The following NXPE2 variants were observed in gnomAD, a reference collection of about 807,000 sequenced individuals.
The protein encoded by NXPE2 is neurexophilin and PC-esterase domain family member 2, also known as NXPE family member 2.
NXPE2 carries 34 observed loss-of-function variants against 34.4 expected under a neutral mutation model. That is an observed-to-expected ratio of 0.99 (90% CI 0.75 to 1.31). NXPE2 has a LOEUF of 1.31. Ranked by LOEUF, NXPE2 falls within the 40% of genes most tolerant of loss-of-function variation. NXPE2 has a pLI of 0.00. For missense variants in NXPE2, 649 were observed against 672.5 expected, an observed-to-expected ratio of 0.97 and a Z score of 0.39; for synonymous variants, 235 against 231.3, an observed-to-expected ratio of 1.02 and a Z score of -0.15.
chr11:114,741,847 T>G, the NXPE2 span, among the ~76,000 whole-genome samples: 1 of 152,214 alleles, frequency 6.6e-6, no homozygotes, highest in Admixed American at 6.5e-5. Flanking sequence ...TGGGGTTCCA[T>G]TGATGATGTC....
At chr11:114,505,831 C>T in the NXPE2 span, among the ~76,000 whole-genome samples, 1 of 152,084 alleles carries the variant, frequency 6.6e-6, no homozygotes, top group African/African-American at 2.4e-5. Flanking sequence ...GTGAAATAAC[C>T]AGCCAACATC....
the NXPE2 span, among the ~76,000 whole-genome samples, chr11:114,786,327 G>C: frequency 6.6e-6 from 1 of 151,606 alleles, no homozygotes. Flanking sequence ...GGTATTCAAA[G>C]AGCTGGTATT....
the NXPE2 span, among the ~76,000 whole-genome samples, chr11:114,723,854 A>G: frequency 1.3e-5 from 2 of 152,178 alleles, no homozygotes; most frequent in Admixed American, 6.5e-5. Context: ...AAGGAAGGAC[A>G]TATGGAATCA....
At chr11:114,763,778 C>A in the NXPE2 span, among the ~76,000 whole-genome samples, 1 of 152,128 alleles carries the variant, frequency 6.6e-6, no homozygotes, top group Non-Finnish European at 1.5e-5. Flanking sequence ...GAACTTAGAA[C>A]AAATTAATTT....
the NXPE2 span, among the ~76,000 whole-genome samples, chr11:114,509,452 T>C: frequency 6.6e-6 from 1 of 152,140 alleles, no homozygotes; most frequent in African/African-American, 2.4e-5. Flanking sequence ...AATCATTCTG[T>C]TATAAAGACA....
At chr11:114,545,767 T>C in the NXPE2 span, among the ~76,000 whole-genome samples, 1 of 151,772 alleles carries the variant, frequency 6.6e-6, no homozygotes, top group Non-Finnish European at 1.5e-5. Flanking sequence ...CAGCTCACTG[T>C]AACCTCCGCC....
the NXPE2 span, among the ~76,000 whole-genome samples, chr11:114,714,882 C>T: frequency 4.6e-5 from 7 of 152,070 alleles, no homozygotes; most frequent in Admixed American, 6.5e-5. Flanking sequence ...ATTAGCCGGG[C>T]GTGGTGGCAC....
the NXPE2 span, among the ~76,000 whole-genome samples, chr11:114,644,025 A>G: frequency 6.6e-6 from 1 of 151,940 alleles, no homozygotes; most frequent in Admixed American, 6.6e-5. Context: ...CTTTGCAGCA[A>G]TTGTGAATGG....
chr11:114,737,584 T>C, the NXPE2 span, among the ~76,000 whole-genome samples: 6 of 152,260 alleles, frequency 3.9e-5, no homozygotes, highest in South Asian at 1.2e-3. Flanking sequence ...CTAGAGGTAG[T>C]TTGTGCTATT....
chr11:114,538,550 C>G, the NXPE2 span, among the ~76,000 whole-genome samples: 1 of 152,076 alleles, frequency 6.6e-6, no homozygotes, highest in Non-Finnish European at 1.5e-5. Flanking sequence ...GGCTAATATC[C>G]AGAATCTACA....
chr11:114,538,675 G>A, the NXPE2 span, among the ~76,000 whole-genome samples: 23 of 152,150 alleles, frequency 1.5e-4, no homozygotes, highest in East Asian at 3.9e-4. Flanking sequence ...CAAAAAACAC[G>A]TGAAAAAATG....
At chr11:114,803,962 T>A in the NXPE2 span, among the ~76,000 whole-genome samples, 2 of 152,128 alleles carry the variant, frequency 1.3e-5, no homozygotes, top group Non-Finnish European at 2.9e-5. Flanking sequence ...AGGTCCTCCA[T>A]TTAAAACTGT....
At chr11:114,478,515 T>A in the NXPE2 span, among the ~76,000 whole-genome samples, 1 of 152,232 alleles carries the variant, frequency 6.6e-6, no homozygotes, top group Non-Finnish European at 1.5e-5. Context: ...ATATTTTTAT[T>A]TTTTTGGATT....
chr11:114,717,748 C>T, the NXPE2 span, among the ~76,000 whole-genome samples: 1 of 152,166 alleles, frequency 6.6e-6, no homozygotes, highest in Non-Finnish European at 1.5e-5. Flanking sequence ...GTTTCTCATT[C>T]CCTCCTCCCT....
chr11:114,489,139 C>G, the NXPE2 span, among the ~76,000 whole-genome samples: 1 of 152,104 alleles, frequency 6.6e-6, no homozygotes, highest in African/African-American at 2.4e-5. Flanking sequence ...GACACATACA[C>G]CCTCCCAAGA....
At chr11:114,760,920 T>C in the NXPE2 span, among the ~76,000 whole-genome samples, 1 of 152,182 alleles carries the variant, frequency 6.6e-6, no homozygotes, top group South Asian at 2.1e-4. Context: ...TGAGAACTTA[T>C]TTATTGTCAC....
chr11:114,700,723 T>A (rs1479751855), intron 3 of NXPE2, among the ~76,000 whole-genome samples: 1 of 152,204 alleles, frequency 6.6e-6, no homozygotes, highest in Non-Finnish European at 1.5e-5. Flanking sequence ...TAAAGTTAAG[T>A]TGGTTTCTTT....
At chr11:114,587,671 T>C in the NXPE2 span, among the ~76,000 whole-genome samples, 1 of 152,144 alleles carries the variant, frequency 6.6e-6, no homozygotes, top group Non-Finnish European at 1.5e-5. Flanking sequence ...GGGAAAACAG[T>C]TGGGGGGATG....
At chr11:114,620,509 G>T in the NXPE2 span, among the ~76,000 whole-genome samples, 1 of 151,708 alleles carries the variant, frequency 6.6e-6, no homozygotes, top group Non-Finnish European at 1.5e-5. Context: ...GTTGCCTCTA[G>T]GGTAACCACT....
Sources: gnomAD v4.1 joint callset for allele counts (sites outside exome capture counted in the v4.1 genomes callset) on GRCh38, gnomAD v4.1.1 for gene constraint, MANE v1.5 for transcripts, NCBI Gene and HGNC (gene_info 2026-07-23, HGNC 2026-07-21) for gene names.